Variants in EIF2S2 observed in about 807,000 individuals in gnomAD.
The protein encoded by EIF2S2 is eukaryotic translation initiation factor 2 subunit 2.
A neutral mutation model predicts 44.0 loss-of-function variants in EIF2S2; 4 were observed. That is an observed-to-expected ratio of 0.09 (90% CI 0.04 to 0.21). The LOEUF (loss-of-function observed/expected upper bound fraction) is 0.21. EIF2S2 is among the 10% of genes least tolerant of loss of function. The probability of loss-of-function intolerance (pLI) is 1.00; values close to 1 mark genes in which losing one functional copy is unlikely to be tolerated. For missense variants in EIF2S2, 154 were observed against 392.0 expected, an observed-to-expected ratio of 0.39 and a Z score of 5.13; for synonymous variants, 108 against 128.3, an observed-to-expected ratio of 0.84 and a Z score of 1.07.
At chr20:34,105,567 A>G in intron 1 of EIF2S2, 22 bp from the exon 2 acceptor site, 2 of 1,519,840 alleles carry the variant, frequency 1.3e-6, no homozygotes, top group Non-Finnish European at 1.8e-6. Context: ...ACAAAAAACA[A>G]AAAGGGACCA....
intron 1 of EIF2S2, among the ~76,000 whole-genome samples, chr20:34,109,948 A>C (rs1033576330): frequency 1.9e-4 from 29 of 151,846 alleles, no homozygotes; most frequent in African/African-American, 7.0e-4. Context: ...ACAAAAAAAA[A>C]ATTAGCTGGG....
chr20:34,100,181 A>G (rs2034279462), intron 3 of EIF2S2, among the ~76,000 whole-genome samples: 1 of 152,048 alleles, frequency 6.6e-6, no homozygotes, highest in Admixed American at 6.6e-5. Flanking sequence ...CACCTAGCTA[A>G]TTTTTGTATT....
intron 3 of EIF2S2, among the ~76,000 whole-genome samples, chr20:34,098,890 A>G (rs756374139): frequency 1.7e-4 from 26 of 152,176 alleles, no homozygotes; most frequent in African/African-American, 2.7e-4. Flanking sequence ...TCACATATTC[A>G]AAATTGAAGT....
In EIF2S2 at chr20:34,112,122, G is replaced by C. The variant is rs769397288; in HGVS notation, c.-12C>G. ...TCGTCCCCAGACATGGCTGCGGCTC[G>C]AGTGGGCTCGGCACGGACGGGAAGT... On this transcript the variant is annotated 5_prime_UTR_variant, in exon 1 of 9. Coordinates refer to ENST00000374980, the MANE Select transcript of EIF2S2 (RefSeq NM_003908.5). 2.8e-5 allele frequency: 43 copies of C among 1,546,928 alleles called. No homozygotes were observed. The highest frequency in any genetic ancestry group is 3.3e-5 in the Non-Finnish European group (38 of 1,144,848).
chr20:34,090,189 G>A lies in EIF2S2; in HGVS notation c.827-284C>T, dbSNP rs1211482434. Among the ~76,000 whole-genome samples, 3 of 152,240 alleles carry A rather than the reference G, an allele frequency of 2.0e-5. No individual in the cohort carries two copies. The South Asian group carries it at 6.2e-4, about 32-fold the overall frequency. ...GTCTAGAGGAGAGCCACTCAAACAT[G>A]TTGACAGACATGCCAATTTTAAATA... On this transcript the variant is annotated intron_variant, in intron 8 of 8. Coordinates refer to ENST00000374980, the MANE Select transcript of EIF2S2 (RefSeq NM_003908.5).
intron 3 of EIF2S2, among the ~76,000 whole-genome samples, chr20:34,101,756 C>T (rs2122421409): frequency 6.7e-6 from 1 of 150,112 alleles, no homozygotes; most frequent in East Asian, 2.0e-4. Flanking sequence ...CTTACTGCAA[C>T]CTCTACCTGC....
chr20:34,103,375 A>G, intron 3 of EIF2S2, 87 bp downstream of exon 3: 4 of 1,445,968 alleles, frequency 2.8e-6, no homozygotes, highest in Non-Finnish European at 3.7e-6. Flanking sequence ...CAAAGCTAGT[A>G]AGAGATGAGT....
chr20:34,105,501 C>T lies in EIF2S2; in HGVS notation c.60G>A (p.Lys20=), dbSNP rs769053843. Residue 20 remains lysine (K), a synonymous_variant, in exon 2 of 9, where the codon AAG becomes AAA. Coordinates refer to ENST00000374980, the MANE Select transcript of EIF2S2 (RefSeq NM_003908.5). ...PTMSKKKKKK[K]KPFMLDEEGD... is the part of the protein sequence containing the mutation. ...CTTCCTCATCTAACATAAAAGGCTT[C>T]TTCTTCTTCTTTTTCTTCTTGCTCA... 22 of 1,610,356 alleles carry T rather than the reference C, an allele frequency of 1.4e-5. No homozygotes were observed. The highest frequency in any genetic ancestry group is 1.7e-4 in the Middle Eastern group (1 of 6,052).
chr20:34,104,142 AAGTC>A (rs1415528890), intron 2 of EIF2S2, among the ~76,000 whole-genome samples: 5 of 152,198 alleles, frequency 3.3e-5, no homozygotes, highest in Non-Finnish European at 7.3e-5. Flanking sequence ...TCCCAAGACA[AAGTC>A]AGAGCTCTAA....
At position 34,092,362 on chromosome 20, in the gene EIF2S2, G is replaced by A. The variant is rs377118529; in HGVS notation, c.740+1313C>T. On this transcript the variant is annotated intron_variant, in intron 7 of 8. Coordinates refer to ENST00000374980, the MANE Select transcript of EIF2S2 (RefSeq NM_003908.5). ...TTAGTTTGTGCAAGTTACAAATAAC[G>A]ATGGTAACAAATTTATATTTAAAAC... 3.3e-4 allele frequency among the ~76,000 whole-genome samples: 51 copies of A among 152,250 alleles called. No individual in the cohort carries two copies. In the East Asian group the frequency reaches 6.6e-3, roughly 20 times the overall value.
chr20:34,097,255 C>A (rs566304034), intron 5 of EIF2S2, among the ~76,000 whole-genome samples, 161 bp downstream of exon 5: 5 of 152,338 alleles, frequency 3.3e-5, no homozygotes, highest in Non-Finnish European at 7.4e-5. Flanking sequence ...GGCTGCCCCA[C>A]GGGTGCGCAC....
rs771287160 is a variant in EIF2S2 at position 34,112,134 on chromosome 20, C to CAA, written c.-25_-24insTT. ...ATGGCTGCGGCTCGAGTGGGCTCGG[C>CAA]ACGGACGGGAAGTCAGACGGGTCAG... On this transcript the variant is annotated 5_prime_UTR_variant, in exon 1 of 9. Transcript: ENST00000374980. The CAA allele has an allele frequency of 5.2e-5, 80 of 1,542,568 alleles. No homozygotes were observed. The highest frequency in any genetic ancestry group is 6.7e-5 in the Non-Finnish European group (76 of 1,141,854).
intron 4 of EIF2S2, 96 bp downstream of exon 4, chr20:34,098,402 G>GA: frequency 1.4e-6 from 2 of 1,448,480 alleles, no homozygotes; most frequent in Non-Finnish European, 9.3e-7. Flanking sequence ...TAAGGGGCAA[G>GA]AAAAAAATTT....
At position 34,089,886 on chromosome 20, in the gene EIF2S2, G is replaced by A. The variant is rs777078199; in HGVS notation, c.846C>T (p.His282=). The A allele has an allele frequency of 2.5e-6, 4 of 1,613,838 alleles. No homozygotes were observed. The highest frequency in any genetic ancestry group is 3.4e-6 in the Non-Finnish European group (4 of 1,179,812). Residue 282 remains histidine (H), a synonymous_variant, in exon 9 of 9, where the codon CAC becomes CAT. Coordinates refer to ENST00000374980, the MANE Select transcript of EIF2S2 (RefSeq NM_003908.5). ...RRYIKEYVTC[H]TCRSPDTILQ... is the part of the protein sequence containing the mutation. ...GGATTGTGTCCGGTGATCGGCATGT[G>A]TGACAAGTGACATATTCCTCTGCAA...
intron 3 of EIF2S2, among the ~76,000 whole-genome samples, chr20:34,100,266 G>A (rs568749856): frequency 2.0e-5 from 3 of 152,210 alleles, no homozygotes; most frequent in South Asian, 4.1e-4. Flanking sequence ...CCACCGGCCC[G>A]GGCCTCCCAA....
intron 8 of EIF2S2, among the ~76,000 whole-genome samples, 179 bp downstream of exon 8, chr20:34,090,338 T>C (rs1334597362): frequency 6.6e-6 from 1 of 152,232 alleles, no homozygotes; most frequent in Non-Finnish European, 1.5e-5. Context: ...ATCCAAATCC[T>C]TTTCTATCTA....
chr20:34,109,248 C>A (rs2034383636), intron 1 of EIF2S2, among the ~76,000 whole-genome samples: 1 of 152,040 alleles, frequency 6.6e-6, no homozygotes, highest in Non-Finnish European at 1.5e-5. Context: ...TGTTCTGACT[C>A]CTTGTGAATG....
At chr20:34,098,103 G>A (rs577393748) in intron 4 of EIF2S2, among the ~76,000 whole-genome samples, 290 of 152,164 alleles carry the variant, frequency 1.9e-3, no homozygotes, top group Admixed American at 4.1e-3. Context: ...AAAATTAGCC[G>A]AGAGTGGTGG....
At chr20:34,092,701 C>A (rs1445765072) in intron 7 of EIF2S2, among the ~76,000 whole-genome samples, 2 of 152,052 alleles carry the variant, frequency 1.3e-5, no homozygotes, top group Non-Finnish European at 2.9e-5. Context: ...ACCCACAATT[C>A]TTCTACAACA....
Sources: allele counts gnomAD v4.1 joint callset (sites outside exome capture counted in the v4.1 genomes callset), GRCh38; gene constraint gnomAD v4.1.1; transcripts MANE v1.5; gene names NCBI Gene and HGNC (gene_info 2026-07-23, HGNC 2026-07-21).